KLF8: variants seen among roughly 807,000 people sequenced by gnomAD.
KLF8 encodes the protein Krueppel-like factor 8.
In KLF8, 10 loss-of-function variants were observed where a neutral mutation model predicts 18.2. That is an observed-to-expected ratio of 0.55 (90% confidence interval 0.34 to 0.93). The LOEUF is 0.93. Ranked by LOEUF, KLF8 falls within the 40% of genes least tolerant of loss-of-function variation. The probability of loss-of-function intolerance (pLI) is 0.02; values close to 1 mark genes in which losing one functional copy is unlikely to be tolerated. For missense variants in KLF8, 264 were observed against 277.9 expected (o/e 0.95, Z 0.36); for synonymous variants, 109 against 97.3 (o/e 1.12, Z -0.71).
the KLF8 span, among the ~76,000 whole-genome samples, chrX:56,076,697 A>G: frequency 9.0e-6 from 1 of 111,441 alleles, no homozygotes; most frequent in Admixed American, 9.5e-5. Flanking sequence ...CCAGTTCTAG[A>G]TCCCTGAGGA....
At chrX:56,003,683 T>C in the KLF8 span, among the ~76,000 whole-genome samples, 1 of 112,009 alleles carries the variant, frequency 8.9e-6, no homozygotes, top group East Asian at 2.8e-4. Flanking sequence ...AAATACCTCA[T>C]TGATTTGCAT....
Position 56,266,971 on chromosome X carries a change from G to A in KLF8, c.646+1227G>A. 4 of 753,180 alleles carry A rather than the reference G, an allele frequency of 5.3e-6. No homozygotes were observed. In the South Asian group the frequency reaches 2.7e-4, roughly 51 times the overall value. 62.1% of individuals were successfully genotyped at this position (753,180 alleles called of 1,213,427 possible). ...AGTGTTCATAATCTTATTTTGAGAT[G>A]TGATATCCATTCCATATATGAAGGG... is the stretch of plus-strand genomic sequence containing the variant. On this transcript the variant is annotated intron_variant, in intron 3 of 5. Coordinates refer to ENST00000468660, the MANE Select transcript of KLF8 (RefSeq NM_007250.5).
the KLF8 span, among the ~76,000 whole-genome samples, chrX:56,054,525 G>A: frequency 8.9e-6 from 1 of 111,851 alleles, no homozygotes; most frequent in Non-Finnish European, 1.9e-5. Context: ...TGATTTTAGA[G>A]TATTTGTCAT....
chrX:56,022,578 A>T, the KLF8 span, among the ~76,000 whole-genome samples: 1 of 108,297 alleles, frequency 9.2e-6, no homozygotes, highest in Non-Finnish European at 1.9e-5. Flanking sequence ...AGAAGAAAAA[A>T]AAAAGAAAAA....
At chrX:56,003,302 C>T in the KLF8 span, among the ~76,000 whole-genome samples, 3 of 110,427 alleles carry the variant, frequency 2.7e-5, no homozygotes, top group African/African-American at 9.9e-5. Flanking sequence ...CCCAGCTACT[C>T]GGGAGGCTGA....
At chrX:56,206,332 C>T in the KLF8 span, among the ~76,000 whole-genome samples, 1 of 111,696 alleles carries the variant, frequency 9.0e-6, no homozygotes, top group Admixed American at 9.5e-5. Flanking sequence ...CAAAAGTCCA[C>T]AGTCCAAGGT....
rs765882454 is a variant in KLF8, at chrX:56,284,392, C to T, written c.978C>T (p.Arg326=). The change falls in exon 6 of 6, where the codon CGC becomes CGT. Residue 326 remains arginine, a synonymous_variant. Coordinates refer to ENST00000468660, the MANE Select transcript of KLF8 (RefSeq NM_007250.5). ...ARSDELTRHF[R]KHTGIKPFRC... is the part of the protein sequence containing the mutation. ...CAGATGAGCTCACTCGCCATTTCCG[C>T]AAGCACACAGGCATCAAGCCTTTTC... The T allele has an allele frequency of 2.5e-6, 3 of 1,208,318 alleles. No homozygotes were observed. Among genetic ancestry groups the T allele is most frequent in the South Asian group, 1.8e-5 (1 of 56,165 alleles).
chrX:56,207,443 G>T, the KLF8 span, among the ~76,000 whole-genome samples: 1 of 111,869 alleles, frequency 8.9e-6, no homozygotes, highest in African/African-American at 3.3e-5. Flanking sequence ...TACTGAAGTC[G>T]CATCTTGAAC....
At chrX:56,027,043 C>T in the KLF8 span, among the ~76,000 whole-genome samples, 1 of 112,812 alleles carries the variant, frequency 8.9e-6, no homozygotes, top group Non-Finnish European at 1.9e-5. Flanking sequence ...AACAGCTTTT[C>T]AAGTGACTCT....
chrX:56,133,249 A>G, the KLF8 span, among the ~76,000 whole-genome samples: 1 of 112,018 alleles, frequency 8.9e-6, no homozygotes, highest in Non-Finnish European at 1.9e-5. Flanking sequence ...TGATGAACAT[A>G]GATGCAAATA....
At chrX:56,199,542 C>T in the KLF8 span, among the ~76,000 whole-genome samples, 171 of 111,768 alleles carry the variant, frequency 1.5e-3, 2 homozygotes, top group African/African-American at 4.5e-3. Context: ...TACCATGTCA[C>T]GCCAGTTAGA....
the KLF8 span, among the ~76,000 whole-genome samples, chrX:56,155,244 G>A: frequency 1.8e-5 from 2 of 111,741 alleles, no homozygotes; most frequent in East Asian, 5.6e-4. Context: ...AGAAAATGTG[G>A]CACATATACA....
the KLF8 span, among the ~76,000 whole-genome samples, chrX:56,181,320 A>T: frequency 9.1e-6 from 1 of 110,213 alleles, no homozygotes; most frequent in Non-Finnish European, 1.9e-5. Flanking sequence ...TTCTTGGTAG[A>T]TCTTCCTCCA....
chrX:56,081,644 G>A, the KLF8 span, among the ~76,000 whole-genome samples: 5 of 111,851 alleles, frequency 4.5e-5, no homozygotes, highest in Admixed American at 9.5e-5. Flanking sequence ...TGTGGAGAAA[G>A]TTCTGTTCTA....
the KLF8 span, among the ~76,000 whole-genome samples, chrX:56,067,913 C>G: frequency 7.1e-5 from 8 of 112,603 alleles, no homozygotes; most frequent in Non-Finnish European, 1.5e-4. Flanking sequence ...GATTGCTTTA[C>G]TTCCCCTTGC....
At chrX:56,132,124 C>T in the KLF8 span, among the ~76,000 whole-genome samples, 1 of 111,615 alleles carries the variant, frequency 9.0e-6, no homozygotes, top group Non-Finnish European at 1.9e-5. Context: ...AAACTATGCC[C>T]TACAACAATG....
At chrX:56,189,733 A>T in the KLF8 span, among the ~76,000 whole-genome samples, 1 of 109,119 alleles carries the variant, frequency 9.2e-6, no homozygotes, top group Non-Finnish European at 1.9e-5. Context: ...ACATGGATGA[A>T]ATTGGAAATC....
the KLF8 span, among the ~76,000 whole-genome samples, chrX:56,079,286 T>C: frequency 9.0e-6 from 1 of 111,349 alleles, no homozygotes. Flanking sequence ...TTTAGTGCTA[T>C]AAATTTCCCT....
At chrX:56,133,398 G>T in the KLF8 span, among the ~76,000 whole-genome samples, 13 of 111,806 alleles carry the variant, frequency 1.2e-4, no homozygotes, top group Non-Finnish European at 2.5e-4. Flanking sequence ...CACGTAAACA[G>T]AATTAAAAAC....
Sources: allele counts gnomAD v4.1 joint callset (sites outside exome capture counted in the v4.1 genomes callset), GRCh38; gene constraint gnomAD v4.1.1; transcripts MANE v1.5; gene names NCBI Gene and HGNC (gene_info 2026-07-23, HGNC 2026-07-21).